SMARCC1: variants seen among roughly 807,000 people sequenced by gnomAD.
SMARCC1 encodes the protein SWI/SNF related BAF chromatin remodeling complex subunit C1.
A neutral mutation model predicts 147.4 loss-of-function variants in SMARCC1; 43 were observed. The observed-to-expected ratio is 0.29, with a 90% CI of 0.23 to 0.38. SMARCC1 has a LOEUF of 0.38. Among genes scored for constraint, SMARCC1 ranks in the 10% least tolerant of loss-of-function variants. The pLI, the probability that SMARCC1 is intolerant of heterozygous loss-of-function variation, is 1.00. For synonymous variants in SMARCC1, 495 were observed against 484.4 expected, an observed-to-expected ratio of 1.02 and a Z score of -0.29; for missense variants, 1,119 against 1,381.1, an observed-to-expected ratio of 0.81 and a Z score of 3.01.
At chr3:47,768,711 T>C (rs2034870889) in intron 2 of SMARCC1, among the ~76,000 whole-genome samples, 1 of 152,124 alleles carries the variant, frequency 6.6e-6, no homozygotes, top group Non-Finnish European at 1.5e-5. Flanking sequence ...AGGAAATGAA[T>C]ACTTTAGCTG....
At chr3:47,604,580 C>T in intron 26 of SMARCC1, 1 of 287,654 alleles carries the variant, frequency 3.5e-6, no homozygotes, top group South Asian at 3.4e-5. Context: ...ATCTTACTTG[C>T]CCTGGTTTGA....
intron 21 of SMARCC1, among the ~76,000 whole-genome samples, chr3:47,655,414 A>T (rs2033248405): frequency 6.6e-6 from 1 of 151,798 alleles, no homozygotes; most frequent in African/African-American, 2.4e-5. Context: ...AAATAATAAT[A>T]GGCCAGGCAC....
At chr3:47,701,181 C>G in intron 11 of SMARCC1, 97 bp downstream of exon 11, 1 of 980,832 alleles carries the variant, frequency 1.0e-6, no homozygotes, top group Non-Finnish European at 1.5e-6. Flanking sequence ...ACTTGAAAGT[C>G]GAGAACTGTG....
intron 24 of SMARCC1, among the ~76,000 whole-genome samples, chr3:47,630,480 C>A (rs183079981): frequency 2.6e-4 from 40 of 152,280 alleles, no homozygotes; most frequent in Admixed American, 2.4e-3. Flanking sequence ...AAATGATTAA[C>A]AAGAAGCAAT....
At chr3:47,660,326 G>C (rs1369850226) in intron 21 of SMARCC1, among the ~76,000 whole-genome samples, 1 of 151,482 alleles carries the variant, frequency 6.6e-6, no homozygotes, top group Admixed American at 6.6e-5. Flanking sequence ...GGCGCCTGTA[G>C]TCCCAGCTAC....
intron 26 of SMARCC1, 129 bp downstream of exon 26, chr3:47,609,937 T>A: frequency 1.0e-6 from 1 of 998,958 alleles, no homozygotes; most frequent in Non-Finnish European, 1.5e-6. Flanking sequence ...TGCCTACAAT[T>A]TTCTAGATGA....
intron 24 of SMARCC1, among the ~76,000 whole-genome samples, chr3:47,632,015 T>C (rs2032897638): frequency 6.6e-6 from 1 of 152,158 alleles, no homozygotes; most frequent in Admixed American, 6.5e-5. Context: ...GTTTTGAGAA[T>C]GAAGATACGA....
chr3:47,639,189 A>G (rs990259893), intron 21 of SMARCC1, among the ~76,000 whole-genome samples: 14 of 152,188 alleles, frequency 9.2e-5, no homozygotes, highest in Non-Finnish European at 2.9e-5. Flanking sequence ...ATAATTCATT[A>G]TTATTTAACA....
chr3:47,622,353 A>G lies in SMARCC1; in HGVS notation c.2647-12T>C. ...ACTGCAGCCAGGTGCTAAGGGTACA[A>G]GATCATTCAAGCTATTTAGGTAAAC... On this transcript the variant is annotated splice_polypyrimidine_tract_variant and intron_variant, in intron 24 of 27. Coordinates refer to ENST00000254480, the MANE Select transcript of SMARCC1 (RefSeq NM_003074.4). The G allele has an allele frequency of 6.2e-7, 1 of 1,612,634 alleles. No individual in the cohort carries two copies. The highest frequency in any genetic ancestry group is 1.1e-5 in the South Asian group (1 of 90,646).
intron 6 of SMARCC1, among the ~76,000 whole-genome samples, chr3:47,728,092 T>TC (rs1041528957): frequency 7.8e-6 from 1 of 128,574 alleles, no homozygotes; most frequent in Non-Finnish European, 1.6e-5. Flanking sequence ...TTTTTTTTTT[T>TC]TTTTTTTTTT....
intron 26 of SMARCC1, among the ~76,000 whole-genome samples, chr3:47,593,924 C>T (rs923543997): frequency 1.3e-5 from 2 of 152,082 alleles, no homozygotes; most frequent in Non-Finnish European, 2.9e-5. Context: ...CAGCACTTTG[C>T]GAGGCCAAGG....
intron 24 of SMARCC1, among the ~76,000 whole-genome samples, chr3:47,626,225 T>G (rs2032807180): frequency 6.6e-6 from 1 of 151,732 alleles, no homozygotes; most frequent in Non-Finnish European, 1.5e-5. Context: ...CGGCTCACTG[T>G]AACCTCCGCC....
At chr3:47,702,230 CA>C (rs200524652) in intron 10 of SMARCC1, among the ~76,000 whole-genome samples, 17 of 131,118 alleles carry the variant, frequency 1.3e-4, no homozygotes, top group African/African-American at 3.8e-4. Context: ...TCAGGGGGCT[CA>C]AAAAAAAAAA....
intron 21 of SMARCC1, among the ~76,000 whole-genome samples, chr3:47,656,492 G>A (rs926866264): frequency 1.3e-5 from 2 of 152,212 alleles, no homozygotes; most frequent in Non-Finnish European, 2.9e-5. Context: ...ATGAAGGGTA[G>A]AAAGAAAGGT....
chr3:47,664,076 T>G, intron 19 of SMARCC1: 1 of 487,196 alleles, frequency 2.1e-6, no homozygotes, highest in East Asian at 3.3e-5. Flanking sequence ...TTTGCGTAAC[T>G]GTAACTGAAA....
At chr3:47,592,012 A>G (rs2106639790) in intron 26 of SMARCC1, among the ~76,000 whole-genome samples, 1 of 152,344 alleles carries the variant, frequency 6.6e-6, no homozygotes, top group Non-Finnish European at 1.5e-5. Flanking sequence ...CAACTGTATG[A>G]AACTGAATAT....
intron 8 of SMARCC1, among the ~76,000 whole-genome samples, chr3:47,712,173 A>T (rs1033077147): frequency 2.6e-5 from 4 of 152,320 alleles, no homozygotes; most frequent in African/African-American, 9.6e-5. Context: ...CGGAGGTTGC[A>T]GTGAGCCAAG....
chr3:47,680,502 A>G lies in SMARCC1; in HGVS notation c.1392T>C (p.His464=), dbSNP rs1008465954. ...CAGGAAGAGCACGCCGTTCAATCACATGAATACTGAAAAGAAGAAGAAAAA... is the reference window on the plus strand; with the variant it reads ...CAGGAAGAGCACGCCGTTCAATCACGTGAATACTGAAAAGAAGAAGAAAAA... ...YASWFDYNCI[H]VIERRALPEF... Residue 464 remains histidine (H), a synonymous_variant, in exon 15 of 28, where the codon CAT becomes CAC. Transcript: ENST00000254480. 8.2e-6 allele frequency: 13 copies of G among 1,578,420 alleles called. No homozygotes were observed. Among genetic ancestry groups the G allele is most frequent in the Non-Finnish European group, 1.1e-5 (13 of 1,155,560 alleles).
chr3:47,631,766 T>C (rs192856602), intron 24 of SMARCC1, among the ~76,000 whole-genome samples: 2 of 152,200 alleles, frequency 1.3e-5, no homozygotes, highest in African/African-American at 4.8e-5. Flanking sequence ...CAAAGCTGTT[T>C]ATAGACACAG....
Sources: gnomAD v4.1 joint callset for allele counts (sites outside exome capture counted in the v4.1 genomes callset) on GRCh38, gnomAD v4.1.1 for gene constraint, MANE v1.5 for transcripts, NCBI Gene and HGNC (gene_info 2026-07-23, HGNC 2026-07-21) for gene names.